The following ACOT11 variants were observed in gnomAD, a reference collection of about 807,000 sequenced individuals.
ACOT11 encodes the protein acyl-CoA thioesterase 11, also known as acyl-coenzyme A thioesterase 11.
A neutral mutation model predicts 77.5 loss-of-function variants in ACOT11; 69 were observed. The ratio of observed to expected loss-of-function variants is 0.89; its 90% CI spans 0.73 to 1.09. The LOEUF (loss-of-function observed/expected upper bound fraction) is 1.09, where lower values mean the gene tolerates loss of function less well. Among genes scored for constraint, ACOT11 ranks in the 50% least tolerant of loss-of-function variants. The pLI, the probability that ACOT11 is intolerant of heterozygous loss-of-function variation, is 0.00. For missense variants in ACOT11, 766 were observed against 813.7 expected (o/e 0.94, Z 0.71); for synonymous variants, 279 against 313.0 (o/e 0.89, Z 1.15).
At chr1:54,625,786 A>G (rs1644268185) in intron 15 of ACOT11, among the ~76,000 whole-genome samples, 1 of 151,756 alleles carries the variant, frequency 6.6e-6, no homozygotes, top group Admixed American at 6.6e-5. Flanking sequence ...AAAAAATACA[A>G]AAATTAGCTG....
At chr1:54,575,762 G>A (rs1478437380) in intron 1 of ACOT11, among the ~76,000 whole-genome samples, 1 of 152,210 alleles carries the variant, frequency 6.6e-6, no homozygotes, top group African/African-American at 2.4e-5. Context: ...GGTGCCCGGG[G>A]TGCTGAGGGA....
Position 54,594,670 on chromosome 1 carries a change from G to A in ACOT11, c.586G>A (p.Ala196Thr), listed in dbSNP as rs1249457155. Residue 196 changes from alanine to threonine, a missense_variant, in exon 6 of 16, where the codon GCC (alanine) becomes ACC (threonine). Physicochemically the swap from Ala to Thr is moderately conservative, Grantham distance 58. Coordinates refer to ENST00000343744, the MANE Select transcript of ACOT11 (RefSeq NM_147161.4). ...TGCAGACACCATCAAGGACCTCCTG[G>A]CCAACTGCGCCATTCAGGGCGGTGA... ...VYADTIKDLLANCAIQGDLES... is the reference protein window; with the variant it reads ...VYADTIKDLLTNCAIQGDLES... 13 of 1,613,486 alleles carry A rather than the reference G, an allele frequency of 8.1e-6. No homozygotes were observed. The highest frequency in any genetic ancestry group is 1.1e-5 in the Non-Finnish European group (13 of 1,179,626).
intron 1 of ACOT11, among the ~76,000 whole-genome samples, chr1:54,552,311 G>A (rs1047787902): frequency 7.2e-5 from 11 of 152,104 alleles, no homozygotes; most frequent in Non-Finnish European, 4.4e-5. Context: ...CATATACGAG[G>A]AGTCCCAAAA....
At position 54,623,405 on chromosome 1, in the gene ACOT11, C is replaced by G. The variant is rs201231812; in HGVS notation, c.1630-7329C>G. The G allele has an allele frequency of 3.0e-5, 48 of 1,607,986 alleles. 1 individual carries two copies. Among genetic ancestry groups the G allele is most frequent in the Non-Finnish European group, 4.1e-5 (48 of 1,174,832 alleles). The stretch of plus-strand genomic sequence containing the variant: ...GCTCCCTGCAGACCATGGCGACGCT[C>G]TCTGGGGAATGCCCCCAACTCCGTG... On this transcript the variant is annotated intron_variant, in intron 15 of 16. Transcript: ENST00000371316.
chr1:54,596,472 A>G lies in ACOT11; in HGVS notation c.608-787A>G, dbSNP rs546271922. ...CACTGCCTGGCCTCTCCTACTAAGG[A>G]TATTCTAACACTGTTGCTGCCAAGG... On this transcript the variant is annotated intron_variant, in intron 6 of 15. Transcript: ENST00000343744. Among the ~76,000 whole-genome samples the G allele has an allele frequency of 2.6e-5, 4 of 152,340 alleles. No individual in the cohort carries two copies. In the East Asian group the frequency reaches 7.7e-4, roughly 29 times the overall value.
chr1:54,573,824 G>T (rs1654006040), intron 1 of ACOT11, among the ~76,000 whole-genome samples: 1 of 152,196 alleles, frequency 6.6e-6, no homozygotes, highest in Admixed American at 6.5e-5. Context: ...GAGGTCAGGA[G>T]TTTGAGACCA....
chr1:54,603,530 T>A (rs752143653), intron 10 of ACOT11, among the ~76,000 whole-genome samples: 2 of 152,142 alleles, frequency 1.3e-5, no homozygotes, highest in Non-Finnish European at 2.9e-5. Flanking sequence ...GATGTCCCCA[T>A]GAGGCAGGGG....
intron 6 of ACOT11, 99 bp downstream of exon 6, chr1:54,594,790 G>A (rs553709230): frequency 1.0e-5 from 15 of 1,485,932 alleles, no homozygotes; most frequent in African/African-American, 5.6e-5. Context: ...GGGAGGCTCC[G>A]GGGACTTCCA....
chr1:54,633,821 A>G (rs114744489), intron 16 of ACOT11, among the ~76,000 whole-genome samples: 3,245 of 152,340 alleles, frequency 0.021, 102 homozygotes, highest in Admixed American at 0.092. Flanking sequence ...TAGTCTCACT[A>G]GCCCTCGGCA....
At chr1:54,554,062 A>G (rs925820470) in intron 1 of ACOT11, among the ~76,000 whole-genome samples, 1 of 151,914 alleles carries the variant, frequency 6.6e-6, no homozygotes, top group Non-Finnish European at 1.5e-5. Flanking sequence ...AGTCCCAGCT[A>G]GTTGGGAGGC....
At chr1:54,623,504 TCCA>T in intron 15 of ACOT11, 2 of 796,354 alleles carry the variant, frequency 2.5e-6, no homozygotes, top group Non-Finnish European at 4.3e-6. Context: ...CACCTAATTC[TCCA>T]CCGGGCCTGG....
intron 8 of ACOT11, among the ~76,000 whole-genome samples, chr1:54,600,749 G>A (rs1007908093): frequency 1.3e-5 from 2 of 152,238 alleles, no homozygotes; most frequent in African/African-American, 4.8e-5. Context: ...TGAGCTGTTT[G>A]AAGCAAGGCT....
chr1:54,591,596 T>C (rs1339282640), intron 3 of ACOT11, among the ~76,000 whole-genome samples: 1 of 152,154 alleles, frequency 6.6e-6, no homozygotes, highest in Admixed American at 6.5e-5. Context: ...CACACAGCAA[T>C]TGAACAGGGC....
intron 1 of ACOT11, among the ~76,000 whole-genome samples, chr1:54,568,452 C>T (rs1569670241): frequency 6.6e-6 from 1 of 150,952 alleles, no homozygotes. Context: ...GCAACCTCCA[C>T]CTCCTGGGTT....
At position 54,629,299 on chromosome 1, in the gene ACOT11, T is replaced by G. The variant is rs1234423754; in HGVS notation, c.1630-1435T>G. Among the ~76,000 whole-genome samples the G allele has an allele frequency of 2.3e-5, 3 of 132,992 alleles. 1 individual carries two copies. The highest frequency in any genetic ancestry group is 7.6e-5 in the African/African-American group (3 of 39,304). 87.2% of individuals were successfully genotyped at this position (132,992 alleles called of 152,430 possible). A position where few individuals can be genotyped will look rare whatever the true frequency, so the allele number is the denominator to read the frequency against. ...CATGGTTTTTTTCTTTTTTGTTTTTTGTTTTGAGATAGAGTCTCACTCTGT... is the reference window on the plus strand; with the variant it reads ...CATGGTTTTTTTCTTTTTTGTTTTTGGTTTTGAGATAGAGTCTCACTCTGT... On this transcript the variant is annotated intron_variant, in intron 15 of 16. Coordinates refer to the ACOT11 transcript ENST00000371316.
At chr1:54,601,158 CAT>C (rs1643958386) in intron 8 of ACOT11, 109 bp from the exon 9 acceptor site, 2 of 1,295,862 alleles carry the variant, frequency 1.5e-6, no homozygotes, top group Admixed American at 2.0e-5. Context: ...TGTGTGCATG[CAT>C]GTGTGTGGGC....
chr1:54,612,850 A>G, downstream of ACOT11: 1 of 652,562 alleles, frequency 1.5e-6, no homozygotes, highest in Non-Finnish European at 2.6e-6. Flanking sequence ...AAAGGACAGA[A>G]TGGCTTGTTT....
At chr1:54,569,282 T>C (rs1359932614) in intron 1 of ACOT11, among the ~76,000 whole-genome samples, 4 of 151,914 alleles carry the variant, frequency 2.6e-5, no homozygotes, top group Admixed American at 6.6e-5. Flanking sequence ...TTAAAAAGAT[T>C]TATGTTGATT....
In ACOT11 at chr1:54,571,071, CT is replaced by C. The variant is rs1553162279; in HGVS notation, c.34-13568del. 3.9e-3 allele frequency among the ~76,000 whole-genome samples: 550 copies of C among 141,634 alleles called. 1 individual carries two copies. The highest frequency in any genetic ancestry group is 7.5e-3 in the Middle Eastern group (2 of 268). The allele number at this position is 141,634 out of a possible 152,430, so 92.9% of individuals were successfully genotyped here. ...ATCCCAATTATGATATTCTCTCTCT[CT>C]TTTTTTTTTTTTTTTAAAGAGACAG... On this transcript the variant is annotated intron_variant, in intron 1 of 15. Transcript: ENST00000343744.
Sources: gnomAD v4.1 joint callset for allele counts (sites outside exome capture counted in the v4.1 genomes callset) on GRCh38, gnomAD v4.1.1 for gene constraint, MANE v1.5 for transcripts, NCBI Gene and HGNC (gene_info 2026-07-23, HGNC 2026-07-21) for gene names.